Variants in SLC2A12 observed in about 807,000 individuals in gnomAD.
The protein encoded by SLC2A12 is solute carrier family 2 member 12, also known as solute carrier family 2, facilitated glucose transporter member 12.
Under a neutral mutation model 41.8 loss-of-function variants are expected in SLC2A12, and 23 were observed. The ratio of observed to expected loss-of-function variants is 0.55; its 90% confidence interval spans 0.40 to 0.78. The LOEUF is 0.78. Ranked by LOEUF, SLC2A12 falls within the 30% of genes least tolerant of loss-of-function variation. The pLI is 0.00. For missense variants in SLC2A12, 654 were observed against 745.6 expected (o/e 0.88, Z 1.43); for synonymous variants, 295 against 285.9 (o/e 1.03, Z -0.32).
chr6:134,041,956 C>T (rs552020644), intron 1 of SLC2A12, among the ~76,000 whole-genome samples: 3 of 151,994 alleles, frequency 2.0e-5, no homozygotes, highest in South Asian at 2.1e-4. Flanking sequence ...ATTTGAAAAC[C>T]GACATCTCCG....
Position 133,989,291 on chromosome 6 carries a change from A to G in SLC2A12, c.*1864T>C, listed in dbSNP as rs1055461177. The G allele has an allele frequency of 7.2e-5, 11 of 152,014 alleles. No homozygotes were observed. The highest frequency in any genetic ancestry group is 2.7e-4 in the African/African-American group (11 of 41,390). 9.4% of individuals were successfully genotyped at this position (152,014 alleles called of 1,614,324 possible). On this transcript the variant is annotated 3_prime_UTR_variant, in exon 5 of 5. Coordinates refer to ENST00000275230, the MANE Select transcript of SLC2A12 (RefSeq NM_145176.3). ...AAGAAGCTTGATTTGGTGTGGTGCA[A>G]TGGATATTGGATAAAAATTTGAAGA...
intron 4 of SLC2A12, among the ~76,000 whole-genome samples, chr6:134,000,392 T>C (rs1776740984): frequency 6.6e-6 from 1 of 152,220 alleles, no homozygotes. Context: ...TCAATATAAA[T>C]ACACATGCAC....
At chr6:134,014,030 T>G (rs1192692895) in intron 2 of SLC2A12, among the ~76,000 whole-genome samples, 1 of 152,206 alleles carries the variant, frequency 6.6e-6, no homozygotes, top group Admixed American at 6.5e-5. Context: ...TGAATTATCA[T>G]GGAAGGAGTG....
chr6:134,005,694 G>C (rs754009574), intron 3 of SLC2A12, among the ~76,000 whole-genome samples: 16 of 54,436 alleles, frequency 2.9e-4, no homozygotes, highest in African/African-American at 1.1e-3. Flanking sequence ...AAAAAAAAAA[G>C]AATCTCCCTT....
chr6:134,013,154 G>A (rs1776910531), intron 2 of SLC2A12, among the ~76,000 whole-genome samples: 1 of 152,098 alleles, frequency 6.6e-6, no homozygotes, highest in Non-Finnish European at 1.5e-5. Context: ...GGCCGGGCAT[G>A]GTGGCTCATG....
intron 2 of SLC2A12, among the ~76,000 whole-genome samples, chr6:134,009,849 C>T (rs1212559499): frequency 6.6e-6 from 1 of 151,820 alleles, no homozygotes; most frequent in African/African-American, 2.4e-5. Flanking sequence ...TGTCCCTCAC[C>T]CCAATAAAGA....
chr6:134,027,872 T>A (rs78905301), intron 2 of SLC2A12, among the ~76,000 whole-genome samples: 4,334 of 152,300 alleles, frequency 0.028, 199 homozygotes, highest in African/African-American at 0.096. Flanking sequence ...GGGAGGCTAC[T>A]CTAGTGAATA....
intron 3 of SLC2A12, among the ~76,000 whole-genome samples, chr6:134,003,634 C>T (rs1355507769): frequency 6.6e-6 from 1 of 152,222 alleles, no homozygotes; most frequent in African/African-American, 2.4e-5. Flanking sequence ...CTCAGCCCTC[C>T]TCTGAGAATC....
Position 133,991,302 on chromosome 6 carries a change from A to G in SLC2A12, c.1707T>C (p.Tyr569=), listed in dbSNP as rs1229071350. 1 of 1,612,898 alleles carries G rather than the reference A, an allele frequency of 6.2e-7. No homozygotes were observed. Among genetic ancestry groups the G allele is most frequent in the Non-Finnish European group, 8.5e-7 (1 of 1,179,722 alleles). The stretch of plus-strand genomic sequence containing the variant: ...TCATAAAACAAATGTTGTTTTTCAC[A>G]TAGTTCCTGAAAGAGAAAGAGGCAC... ...QISMELAKVN[Y]VKNNICFMSH... is the part of the protein sequence containing the mutation. Residue 569 remains tyrosine, a synonymous_variant, in exon 5 of 5, where the codon TAT becomes TAC. Coordinates refer to ENST00000275230, the MANE Select transcript of SLC2A12 (RefSeq NM_145176.3).
chr6:134,001,495 A>G (rs1221666445), intron 4 of SLC2A12, among the ~76,000 whole-genome samples: 1 of 152,218 alleles, frequency 6.6e-6, no homozygotes, highest in Non-Finnish European at 1.5e-5. Flanking sequence ...ATTACAAAAA[A>G]GGAAAATATG....
At chr6:134,003,950 T>A (rs1387092010) in intron 3 of SLC2A12, among the ~76,000 whole-genome samples, 1 of 152,242 alleles carries the variant, frequency 6.6e-6, no homozygotes, top group Non-Finnish European at 1.5e-5. Context: ...GTCCTACACT[T>A]GGAAAATTTA....
intron 2 of SLC2A12, among the ~76,000 whole-genome samples, chr6:134,012,961 C>A (rs1776907642): frequency 6.6e-6 from 1 of 152,092 alleles, no homozygotes; most frequent in Non-Finnish European, 1.5e-5. Context: ...GGCAACAGAG[C>A]AAGACCCTGT....
rs563479982 is a variant in SLC2A12, at chr6:134,014,297, A to C, written c.1445-7363T>G. The stretch of plus-strand genomic sequence containing the variant: ...TAGACAGGAGGTAGAGCTCAGCTTC[A>C]CTTGCTCACCCATAGCTCACCTCCT... On this transcript the variant is annotated intron_variant, in intron 2 of 4. Transcript: ENST00000275230. Among the ~76,000 whole-genome samples, 27 of 152,274 alleles carry C rather than the reference A, an allele frequency of 1.8e-4. No individual in the cohort carries two copies. The South Asian group carries it at 5.4e-3, about 30-fold the overall frequency.
intron 2 of SLC2A12, among the ~76,000 whole-genome samples, chr6:134,014,643 C>T (rs993386750): frequency 6.6e-6 from 1 of 152,166 alleles, no homozygotes; most frequent in Non-Finnish European, 1.5e-5. Context: ...TCATGGAAAA[C>T]AGTAAAGTAA....
At chr6:134,038,424 C>T (rs1331567847) in intron 1 of SLC2A12, among the ~76,000 whole-genome samples, 1 of 126,728 alleles carries the variant, frequency 7.9e-6, no homozygotes, top group South Asian at 2.5e-4. Flanking sequence ...TGTAGTGGTG[C>T]GATCTCGGCT....
At chr6:134,042,797 T>C (rs1777400597) in intron 1 of SLC2A12, among the ~76,000 whole-genome samples, 1 of 152,044 alleles carries the variant, frequency 6.6e-6, no homozygotes, top group African/African-American at 2.4e-5. Context: ...AGACTCTGTC[T>C]CTATTAAAAA....
intron 2 of SLC2A12, among the ~76,000 whole-genome samples, chr6:134,017,237 T>G (rs916911214): frequency 6.6e-6 from 1 of 152,176 alleles, no homozygotes; most frequent in African/African-American, 2.4e-5. Flanking sequence ...CATACTCAAT[T>G]TAGTAGCTTT....
chr6:134,051,427 T>G (rs1773683047), intron 1 of SLC2A12, among the ~76,000 whole-genome samples: 1 of 152,084 alleles, frequency 6.6e-6, no homozygotes, highest in Non-Finnish European at 1.5e-5. Flanking sequence ...TTGTATCATT[T>G]AGTGTATTGG....
intron 4 of SLC2A12, among the ~76,000 whole-genome samples, chr6:133,992,753 C>T (rs549836404): frequency 1.1e-4 from 16 of 152,130 alleles, no homozygotes; most frequent in African/African-American, 1.9e-4. Flanking sequence ...GCCTCCAGGT[C>T]GTCGTGGGGC....
Sources: allele counts gnomAD v4.1 joint callset (sites outside exome capture counted in the v4.1 genomes callset), GRCh38; gene constraint gnomAD v4.1.1; transcripts MANE v1.5; gene names NCBI Gene and HGNC (gene_info 2026-07-23, HGNC 2026-07-21).